Variants in HSPA12A observed in about 807,000 individuals in gnomAD.
The protein encoded by HSPA12A is heat shock protein family A (Hsp70) member 12A.
A neutral mutation model predicts 69.2 loss-of-function variants in HSPA12A; 28 were observed. That is an observed-to-expected ratio of 0.40 (90% confidence interval 0.30 to 0.55). HSPA12A has a LOEUF of 0.55. Ranked by LOEUF, HSPA12A falls within the 20% of genes least tolerant of loss-of-function variation. The pLI is 0.38. For missense variants in HSPA12A, 686 were observed against 900.7 expected (o/e 0.76, Z 3.05); for synonymous variants, 345 against 370.5 (o/e 0.93, Z 0.79).
intron 1 of HSPA12A, among the ~76,000 whole-genome samples, chr10:116,736,250 A>G (rs1164465317): frequency 2.0e-5 from 3 of 152,162 alleles, no homozygotes; most frequent in Non-Finnish European, 4.4e-5. Flanking sequence ...ATTGAATAGA[A>G]GTCAAGGGTT....
chr10:116,717,172 C>A lies in HSPA12A; in HGVS notation c.41-9887G>T, dbSNP rs115362487. Among the ~76,000 whole-genome samples the A allele has an allele frequency of 5.6e-4, 85 of 152,148 alleles. 1 individual carries two copies. Among genetic ancestry groups the A allele is most frequent in the African/African-American group, 2.0e-3 (83 of 41,522 alleles). ...CATTCTGTAGGTGACAAAATGAAGC[C>A]TAGAAGGGTAAGAAAGAAGCCCGCA... On this transcript the variant is annotated intron_variant, in intron 1 of 11. Coordinates refer to ENST00000369209, the MANE Select transcript of HSPA12A (RefSeq NM_025015.3).
At chr10:116,726,664 A>G (rs1665652) in intron 1 of HSPA12A, among the ~76,000 whole-genome samples, 149,365 of 152,266 alleles carry the variant, frequency 0.98, 73,339 homozygotes, top group Middle Eastern at 1. Context: ...CTTAGCCTCT[A>G]CCCGTCCCCA....
chr10:116,734,884 C>T (rs528213927), intron 1 of HSPA12A, among the ~76,000 whole-genome samples: 1 of 151,810 alleles, frequency 6.6e-6, no homozygotes, highest in South Asian at 2.1e-4. Flanking sequence ...CCCAGCTACT[C>T]GGGAGGCTGA....
At chr10:116,678,230 G>A (rs1022806410) in intron 10 of HSPA12A, among the ~76,000 whole-genome samples, 1 of 151,542 alleles carries the variant, frequency 6.6e-6, no homozygotes, top group Non-Finnish European at 1.5e-5. Flanking sequence ...AGGAGAGACA[G>A]GCAGACATTT....
chr10:116,779,075 A>T (rs996245930), intron 2 of HSPA12A, among the ~76,000 whole-genome samples: 1 of 152,184 alleles, frequency 6.6e-6, no homozygotes, highest in African/African-American at 2.4e-5. Context: ...GCAACAAAAC[A>T]TCCTTCTTTG....
chr10:116,837,092 A>T (rs953942508), intron 1 of HSPA12A, among the ~76,000 whole-genome samples: 2 of 152,156 alleles, frequency 1.3e-5, no homozygotes, highest in African/African-American at 4.8e-5. Flanking sequence ...CACTGTGGGA[A>T]CGGGGACCAC....
chr10:116,779,956 C>A (rs1365562706), intron 2 of HSPA12A, among the ~76,000 whole-genome samples: 2 of 152,136 alleles, frequency 1.3e-5, no homozygotes, highest in African/African-American at 4.8e-5. Context: ...GGCTGGCCGG[C>A]CCTGAAGGAG....
chr10:116,850,011 T>G, upstream of HSPA12A: 1 of 599,762 alleles, frequency 1.7e-6, no homozygotes, highest in Non-Finnish European at 3.0e-6. Flanking sequence ...GCTGGCAGGC[T>G]TCCTCGCTGC....
rs782672869 is a variant in HSPA12A, at chr10:116,742,412, C to T, written c.40+18G>A. The T allele has an allele frequency of 1.5e-5, 21 of 1,435,556 alleles. No individual in the cohort carries two copies. Among genetic ancestry groups the T allele is most frequent in the Non-Finnish European group, 1.9e-5 (21 of 1,096,448 alleles). 88.9% of individuals were successfully genotyped at this position (1,435,556 alleles called of 1,614,324 possible). On this transcript the variant is annotated intron_variant, in intron 1 of 11. Coordinates refer to ENST00000369209, the MANE Select transcript of HSPA12A (RefSeq NM_025015.3). ...TGCCCCGCCAGCCGCGGCCGCAGGA[C>T]CCGCAGCCTGCGCTCACCTCGGGGC...
At chr10:116,712,007 T>C (rs1036324571) in intron 1 of HSPA12A, among the ~76,000 whole-genome samples, 1 of 152,082 alleles carries the variant, frequency 6.6e-6, no homozygotes. Flanking sequence ...CTTTCAAGAA[T>C]GCAAACTACT....
chr10:116,705,300 T>TG (rs1564787853), intron 2 of HSPA12A, 22 bp from the exon 3 acceptor site: 1 of 1,613,624 alleles, frequency 6.2e-7, no homozygotes, highest in South Asian at 1.1e-5. Context: ...CAGTGAGGCA[T>TG]GGGGGGTGTG....
At chr10:116,825,763 A>C (rs1343593277) in intron 2 of HSPA12A, among the ~76,000 whole-genome samples, 1 of 152,136 alleles carries the variant, frequency 6.6e-6, no homozygotes, top group Non-Finnish European at 1.5e-5. Context: ...GGTGATGAAA[A>C]TGTTCTAAAA....
At chr10:116,727,123 C>T (rs1850991851) in intron 1 of HSPA12A, among the ~76,000 whole-genome samples, 2 of 152,188 alleles carry the variant, frequency 1.3e-5, no homozygotes, top group South Asian at 4.1e-4. Flanking sequence ...AAAAATAGGA[C>T]TATATCAGTT....
chr10:116,726,023 A>G (rs1257027650), intron 1 of HSPA12A, among the ~76,000 whole-genome samples: 1 of 67,044 alleles, frequency 1.5e-5, no homozygotes, highest in Non-Finnish European at 2.9e-5. Context: ...ACACACACAC[A>G]CACGCACACA....
At chr10:116,733,215 G>A (rs372237040) in intron 1 of HSPA12A, among the ~76,000 whole-genome samples, 5 of 152,160 alleles carry the variant, frequency 3.3e-5, no homozygotes, top group East Asian at 1.9e-4. Flanking sequence ...CCCAGCCAGC[G>A]GAGATGGTCA....
chr10:116,784,160 A>G (rs1334104917), intron 2 of HSPA12A, among the ~76,000 whole-genome samples: 1 of 152,266 alleles, frequency 6.6e-6, no homozygotes, highest in Admixed American at 6.5e-5. Context: ...TGTGCTTGCC[A>G]ATCCCATTTC....
chr10:116,729,557 C>G (rs1488318372), intron 1 of HSPA12A, among the ~76,000 whole-genome samples: 1 of 152,080 alleles, frequency 6.6e-6, no homozygotes, highest in Non-Finnish European at 1.5e-5. Context: ...TGATCAGAAG[C>G]CTTAACAATA....
In HSPA12A at chr10:116,723,432, G is replaced by A. The variant is rs1554884654; in HGVS notation, c.41-16147C>T. On this transcript the variant is annotated intron_variant, in intron 1 of 11. Transcript: ENST00000369209. This position sits in a 1 kb window ranked among gnomAD's most constrained non-coding sequence, Gnocchi z 4.1. The stretch of plus-strand genomic sequence containing the variant: ...TTCCAGGGGCAGGGGACGGGGCTGA[G>A]GACCCCGAATGAGCTGGGTTCTGGG... Among the ~76,000 whole-genome samples, 1 of 152,180 alleles carries A rather than the reference G, an allele frequency of 6.6e-6. No homozygotes were observed. The highest frequency in any genetic ancestry group is 2.4e-5 in the African/African-American group (1 of 41,438).
At chr10:116,827,804 AAC>A (rs1845537119) in intron 2 of HSPA12A, among the ~76,000 whole-genome samples, 2 of 152,188 alleles carry the variant, frequency 1.3e-5, no homozygotes, top group South Asian at 4.1e-4. Context: ...CCCTCAGGTA[AAC>A]AGATTCCTGG....
Sources: allele counts gnomAD v4.1 joint callset (sites outside exome capture counted in the v4.1 genomes callset), GRCh38; gene constraint gnomAD v4.1.1; non-coding constraint Gnocchi (gnomAD v3.1); transcripts MANE v1.5; gene names NCBI Gene and HGNC (gene_info 2026-07-23, HGNC 2026-07-21).